FBN1: variants seen among roughly 807,000 people sequenced by gnomAD.
FBN1 encodes the protein fibrillin 1.
Under a neutral mutation model 365.1 loss-of-function variants are expected in FBN1, and 29 were observed. The observed-to-expected ratio is 0.08, with a 90% CI of 0.06 to 0.11. The LOEUF (loss-of-function observed/expected upper bound fraction) is 0.11, where lower values mean the gene tolerates loss of function less well. FBN1 is among the 10% of genes least tolerant of loss of function. FBN1 has a pLI of 1.00. For missense variants in FBN1, 2,476 were observed against 3,703.2 expected, an observed-to-expected ratio of 0.67 and a Z score of 8.60; for synonymous variants, 1,210 against 1,270.5, an observed-to-expected ratio of 0.95 and a Z score of 1.01.
intron 4 of FBN1, among the ~76,000 whole-genome samples, chr15:48,601,220 C>T (rs956934428): frequency 2.0e-4 from 30 of 152,312 alleles, no homozygotes; most frequent in Non-Finnish European, 2.5e-4. Context: ...AAGACAGCCA[C>T]GGGCTCATAG....
rs184735760 is a variant in FBN1 at position 48,541,809 on chromosome 15, C to G, written c.539-4001G>C. On this transcript the variant is annotated intron_variant, in intron 6 of 65. Transcript: ENST00000316623. ...AAGCTTGTGTAACGTCTGACTCATT[C>G]CTGGCTTCAGTGTAAATCATTATTC... Among the ~76,000 whole-genome samples the G allele has an allele frequency of 2.9e-3, 434 of 150,582 alleles. 2 individuals are homozygous for G. Among genetic ancestry groups the G allele is most frequent in the African/African-American group, 0.01 (425 of 40,838 alleles).
chr15:48,489,582 C>G lies in FBN1; in HGVS notation c.3082+269G>C, dbSNP rs368244794. Among the ~76,000 whole-genome samples the G allele has an allele frequency of 5.3e-5, 8 of 152,184 alleles. No individual in the cohort carries two copies. In the East Asian group the frequency reaches 7.7e-4, roughly 15 times the overall value. On this transcript the variant is annotated intron_variant, in intron 25 of 65. Transcript: ENST00000316623. ...AGCTTTTGGAAGCAAAATTAAAGTT[C>G]CTTTGAGTTTACGTAACTGACATTT...
At chr15:48,416,367 T>C (rs1039304311) in intron 63 of FBN1, among the ~76,000 whole-genome samples, 2 of 152,178 alleles carry the variant, frequency 1.3e-5, no homozygotes, top group Non-Finnish European at 2.9e-5. Context: ...CTTTTCAAAA[T>C]TCTGCAAAAG....
At chr15:48,591,193 G>C (rs115223231) in intron 6 of FBN1, among the ~76,000 whole-genome samples, 2,554 of 152,134 alleles carry the variant, frequency 0.017, 63 homozygotes, top group African/African-American at 0.059. Context: ...ATCTAAGTCT[G>C]CTTTTGATCC....
At chr15:48,482,466 A>T (rs2043472415) in intron 31 of FBN1, among the ~76,000 whole-genome samples, 1 of 152,206 alleles carries the variant, frequency 6.6e-6, no homozygotes, top group South Asian at 2.1e-4. Flanking sequence ...AAAGACAGTG[A>T]TCCCTGAGAG....
rs114013559 is a variant in FBN1, at chr15:48,443,182, T to C, written c.6038-1336A>G. Among the ~76,000 whole-genome samples the C allele has an allele frequency of 5.2e-3, 792 of 152,332 alleles. 4 individuals are homozygous for C. The highest frequency in any genetic ancestry group is 0.018 in the African/African-American group (761 of 41,584). ...CCTGTGTTATGTTCCCTGTGGTTTA[T>C]TAATGAATCTGATCTTCTATTGCCG... On this transcript the variant is annotated intron_variant, in intron 49 of 65. Coordinates refer to ENST00000316623, the MANE Select transcript of FBN1 (RefSeq NM_000138.5).
At chr15:48,461,682 G>C (rs1430059092) in intron 42 of FBN1, among the ~76,000 whole-genome samples, 2 of 152,016 alleles carry the variant, frequency 1.3e-5, no homozygotes, top group Non-Finnish European at 1.5e-5. Flanking sequence ...CAAGATCAAG[G>C]GTCAGCAAAC....
chr15:48,532,731 C>T (rs900995487), intron 8 of FBN1, among the ~76,000 whole-genome samples: 2 of 152,096 alleles, frequency 1.3e-5, no homozygotes, highest in Non-Finnish European at 2.9e-5. Context: ...TTCTTTGCCC[C>T]TTTCAGTGCC....
At chr15:48,513,782 C>G in intron 12 of FBN1, 114 bp from the exon 13 acceptor site, 1 of 1,221,754 alleles carries the variant, frequency 8.2e-7, no homozygotes, top group Non-Finnish European at 1.2e-6. Flanking sequence ...AAATAAATAA[C>G]ATAATAAAAG....
intron 23 of FBN1, among the ~76,000 whole-genome samples, chr15:48,493,459 A>C (rs374874322): frequency 1.3e-4 from 20 of 152,310 alleles, no homozygotes; most frequent in African/African-American, 4.8e-4. Context: ...AGAGGGTGGA[A>C]TCTACCTTTT....
At chr15:48,417,040 A>G (rs191495033) in intron 63 of FBN1, among the ~76,000 whole-genome samples, 1 of 152,184 alleles carries the variant, frequency 6.6e-6, no homozygotes, top group Non-Finnish European at 1.5e-5. Flanking sequence ...CCAAGATCTC[A>G]CAGCCAGCAG....
intron 50 of FBN1, among the ~76,000 whole-genome samples, chr15:48,439,472 C>A (rs2043096846): frequency 6.6e-6 from 1 of 152,196 alleles, no homozygotes; most frequent in Non-Finnish European, 1.5e-5. Context: ...CTTTTGATCT[C>A]TTTTATTCTT....
intron 17 of FBN1, among the ~76,000 whole-genome samples, chr15:48,500,859 T>C (rs1234659837): frequency 2.0e-5 from 3 of 152,220 alleles, no homozygotes; most frequent in African/African-American, 7.2e-5. Flanking sequence ...CTTGCCTGAC[T>C]TGCAGACCAC....
At position 48,421,573 on chromosome 15, in the gene FBN1, C is replaced by T. The variant is rs1397580172; in HGVS notation, c.7684G>A (p.Gly2562Ser). 18 of 1,612,912 alleles carry T rather than the reference C, an allele frequency of 1.1e-5. No individual in the cohort carries two copies. Among genetic ancestry groups the T allele is most frequent in the South Asian group, 3.3e-5 (3 of 90,796 alleles). The change falls in exon 62 of 66, where the codon GGC becomes AGC. Residue 2562 changes from glycine to serine, a missense_variant. By Grantham distance (56) the Gly-to-Ser change is moderately conservative. This residue lies in a region of FBN1 where 1,780 missense variants were observed against 2,840.8 expected (regional missense o/e 0.63). Coordinates refer to ENST00000316623, the MANE Select transcript of FBN1 (RefSeq NM_000138.5). ...CQRGFSLDQT[G>S]SSCEDVDECE... is the part of the protein sequence containing the mutation. ...CTCCACCCACCTTCACAGCTGGAGC[C>T]GGTCTGATCAAGTGAGAATCCCCGC...
At chr15:48,422,318 C>T (rs558030279) in intron 60 of FBN1, among the ~76,000 whole-genome samples, 1 of 152,248 alleles carries the variant, frequency 6.6e-6, no homozygotes, top group African/African-American at 2.4e-5. Context: ...AAACACAATT[C>T]TAATTGGAGA....
intron 33 of FBN1, 62 bp downstream of exon 33, chr15:48,474,466 T>C (rs2043403577): frequency 6.2e-7 from 1 of 1,612,948 alleles, no homozygotes; most frequent in Non-Finnish European, 8.5e-7. Flanking sequence ...ACATAATTAA[T>C]ATTTTCATAT....
chr15:48,626,081 A>C (rs7182490), intron 2 of FBN1, among the ~76,000 whole-genome samples: 22,850 of 151,922 alleles, frequency 0.15, 4,627 homozygotes, highest in African/African-American at 0.45. Flanking sequence ...CATAGCGAGA[A>C]TCTATATCTT....
intron 45 of FBN1, among the ~76,000 whole-genome samples, chr15:48,451,035 G>A (rs1019091173): frequency 1.3e-5 from 2 of 152,156 alleles, no homozygotes; most frequent in African/African-American, 4.8e-5. Context: ...TCAAGCTTTT[G>A]GCTGCAAATG....
rs753324758 is a variant in FBN1 at position 48,427,641 on chromosome 15, A to G, written c.7130T>C (p.Ile2377Thr). Residue 2377 changes from isoleucine (I) to threonine (T), a missense_variant, in exon 58 of 66, where the codon ATC (isoleucine) becomes ACC (threonine). Coordinates refer to ENST00000316623, the MANE Select transcript of FBN1 (RefSeq NM_000138.5). ...GGRGWGPHCE[I>T]CPFQGTVAFK... ...AGCCACAGTCCCCTGGAAAGGGCAG[A>G]TCTCACAGTGGGGACCCCAGCCTCT... 1 of 1,614,172 alleles carries G rather than the reference A, an allele frequency of 6.2e-7. No homozygotes were observed. The highest frequency in any genetic ancestry group is 2.2e-5 in the East Asian group (1 of 44,878).
Sources: gnomAD v4.1 joint callset for allele counts (sites outside exome capture counted in the v4.1 genomes callset) on GRCh38, gnomAD v4.1.1 for gene constraint, gnomAD v4.1.1 regional missense constraint, MANE v1.5 for transcripts, NCBI Gene and HGNC (gene_info 2026-07-23, HGNC 2026-07-21) for gene names.